Variants in GPHN observed in about 807,000 individuals in gnomAD.
GPHN encodes the protein gephyrin.
In GPHN, 17 loss-of-function variants were observed where a neutral mutation model predicts 95.5. The ratio of observed to expected loss-of-function variants is 0.18; its 90% CI spans 0.12 to 0.27. GPHN has a LOEUF of 0.27. Among genes scored for constraint, GPHN ranks in the 10% least tolerant of loss-of-function variants. The pLI is 1.00. For missense variants in GPHN, 660 were observed against 978.1 expected (o/e 0.67, Z 4.34); for synonymous variants, 320 against 322.5 (o/e 0.99, Z 0.08).
chr14:67,379,602 C>T, the GPHN span, among the ~76,000 whole-genome samples: 1 of 151,268 alleles, frequency 6.6e-6, no homozygotes. Context: ...AAGCCTGATG[C>T]TTGCTCATGC....
the GPHN span, among the ~76,000 whole-genome samples, chr14:67,704,239 C>T: frequency 0.037 from 5,597 of 152,116 alleles, 299 homozygotes; most frequent in African/African-American, 0.12. Flanking sequence ...GTTCTGATTA[C>T]GGGGGTAGAA....
intron 8 of GPHN, among the ~76,000 whole-genome samples, chr14:66,933,314 A>G (rs1248969496): frequency 1.3e-5 from 2 of 152,236 alleles, no homozygotes; most frequent in Non-Finnish European, 2.9e-5. Flanking sequence ...TAACTTTATT[A>G]ATGAGTCCCA....
chr14:67,415,821 G>A, the GPHN span, among the ~76,000 whole-genome samples: 15 of 152,288 alleles, frequency 9.8e-5, no homozygotes, highest in African/African-American at 1.9e-4. Flanking sequence ...GATCATGTCC[G>A]TTGCAGGGAC....
In GPHN at chr14:66,847,926, C is replaced by T. The variant is rs371761323; in HGVS notation, c.294+23360C>T. 1.4e-4 allele frequency among the ~76,000 whole-genome samples: 21 copies of T among 152,004 alleles called. 1 individual carries two copies. In the East Asian group the frequency reaches 2.9e-3, roughly 21 times the overall value. On this transcript the variant is annotated intron_variant, in intron 4 of 22. Transcript: ENST00000478722. ...GAAACTAACTCATGGCACAAGAGAT[C>T]AGGTGGGTGAGAAAGAGATCACTGG...
intron 17 of GPHN, among the ~76,000 whole-genome samples, chr14:67,130,652 A>G (rs1444352367): frequency 6.6e-6 from 1 of 152,148 alleles, no homozygotes; most frequent in East Asian, 1.9e-4. Context: ...GTTGAATGGT[A>G]GTTCTCAGTT....
chr14:67,713,615 T>C, the GPHN span, among the ~76,000 whole-genome samples: 1 of 152,162 alleles, frequency 6.6e-6, no homozygotes, highest in African/African-American at 2.4e-5. Flanking sequence ...GAGAATCCTT[T>C]TGTGGTTAAC....
chr14:67,329,453 A>C, the GPHN span, among the ~76,000 whole-genome samples: 1 of 152,096 alleles, frequency 6.6e-6, no homozygotes, highest in African/African-American at 2.4e-5. Context: ...TCTTTTCCTA[A>C]TTGAATACCC....
the GPHN span, among the ~76,000 whole-genome samples, chr14:67,437,221 A>G: frequency 1.2e-4 from 18 of 152,364 alleles, 1 homozygote; most frequent in Admixed American, 9.1e-4. Context: ...ATGAACAGAC[A>G]GACATGATCC....
intron 2 of GPHN, among the ~76,000 whole-genome samples, chr14:66,742,247 C>A (rs1005703540): frequency 6.6e-6 from 1 of 152,156 alleles, no homozygotes; most frequent in Admixed American, 6.5e-5. Context: ...AAATACCTCA[C>A]TTTGGCCTTA....
chr14:66,652,432 A>G (rs1019304021), intron 1 of GPHN, among the ~76,000 whole-genome samples: 2 of 151,968 alleles, frequency 1.3e-5, no homozygotes, highest in South Asian at 2.1e-4. Context: ...ATATCATTCT[A>G]TGTAACCTAC....
the GPHN span, among the ~76,000 whole-genome samples, chr14:67,537,346 A>AAATAATAATAAT: frequency 0.045 from 5,650 of 126,466 alleles, 154 homozygotes; most frequent in Middle Eastern, 0.091. Context: ...TCCATCTCAA[A>AAATAATAATAAT]AATAATAATA....
chr14:66,950,201 G>A (rs2068018856), intron 8 of GPHN, among the ~76,000 whole-genome samples: 1 of 152,108 alleles, frequency 6.6e-6, no homozygotes, highest in African/African-American at 2.4e-5. Flanking sequence ...TAAGATAGTA[G>A]AAATAGATTA....
chr14:67,364,674 ATCTTT>A, the GPHN span: 3 of 1,290,706 alleles, frequency 2.3e-6, no homozygotes, highest in Non-Finnish European at 3.1e-6. Flanking sequence ...TTTTTTCTTC[ATCTTT>A]TCTTTCAGTG....
chr14:67,127,051 T>A (rs890147545), intron 17 of GPHN, among the ~76,000 whole-genome samples: 3 of 135,864 alleles, frequency 2.2e-5, no homozygotes, highest in African/African-American at 8.3e-5. Flanking sequence ...AACAATGAGA[T>A]CACATGGACA....
At chr14:67,201,842 G>A in the GPHN span, 1 of 195,404 alleles carries the variant, frequency 5.1e-6, no homozygotes, top group Non-Finnish European at 1.1e-5. Context: ...CTACAGTGTA[G>A]CTCCTCTCTG....
rs181842911 is a variant in GPHN at position 67,027,960 on chromosome 14, T to C, written c.1006+4285T>C. On this transcript the variant is annotated intron_variant, in intron 10 of 22. Transcript: ENST00000478722. The stretch of plus-strand genomic sequence containing the variant: ...TAACTATAGTCACCCTACTGTACTA[T>C]CAAATATTAGAACTTATTCATTCTA... Among the ~76,000 whole-genome samples the C allele has an allele frequency of 7.9e-4, 120 of 152,324 alleles. 1 individual carries two copies. Among genetic ancestry groups the C allele is most frequent in the African/African-American group, 2.7e-3 (113 of 41,584 alleles).
chr14:66,524,729 T>C (rs2058619226), intron 1 of GPHN, among the ~76,000 whole-genome samples: 1 of 152,132 alleles, frequency 6.6e-6, no homozygotes, highest in Non-Finnish European at 1.5e-5. Context: ...CTCCCACTTA[T>C]GAGTGAGAAC....
chr14:67,390,774 A>G, the GPHN span: 13 of 1,464,212 alleles, frequency 8.9e-6, no homozygotes, highest in South Asian at 1.4e-4. Context: ...TTCAAAGCTC[A>G]TTGGTGACAG....
intron 4 of GPHN, among the ~76,000 whole-genome samples, chr14:66,839,758 GGTAT>G (rs1453764118): frequency 6.6e-6 from 1 of 151,898 alleles, no homozygotes; most frequent in Non-Finnish European, 1.5e-5. Context: ...CTATTGTTAG[GGTAT>G]GTATTTAGAA....
Sources: gnomAD v4.1 joint callset for allele counts (sites outside exome capture counted in the v4.1 genomes callset) on GRCh38, gnomAD v4.1.1 for gene constraint, MANE v1.5 for transcripts, NCBI Gene and HGNC (gene_info 2026-07-23, HGNC 2026-07-21) for gene names.